Variants in AATF observed in about 807,000 individuals in gnomAD.
The protein encoded by AATF is protein AATF.
AATF carries 48 observed loss-of-function variants against 63.7 expected under a neutral mutation model. The ratio of observed to expected loss-of-function variants is 0.75; its 90% confidence interval spans 0.60 to 0.96. The LOEUF (loss-of-function observed/expected upper bound fraction) is 0.96. Among genes scored for constraint, AATF ranks in the 40% least tolerant of loss-of-function variants. The pLI, the probability that AATF is intolerant of heterozygous loss-of-function variation, is 0.00. For missense variants in AATF, 639 were observed against 685.7 expected, an observed-to-expected ratio of 0.93 and a Z score of 0.76; for synonymous variants, 258 against 247.7, an observed-to-expected ratio of 1.04 and a Z score of -0.39.
At chr17:37,001,424 G>A (rs71380127) in intron 8 of AATF, among the ~76,000 whole-genome samples, 5 of 110,858 alleles carry the variant, frequency 4.5e-5, no homozygotes, top group Non-Finnish European at 8.8e-5. Flanking sequence ...AGGAAGGAAG[G>A]AAGGAAGGAA....
intron 8 of AATF, among the ~76,000 whole-genome samples, chr17:37,009,229 T>G (rs960221925): frequency 2.0e-5 from 3 of 152,004 alleles, no homozygotes; most frequent in Non-Finnish European, 2.9e-5. Flanking sequence ...CCTCCTGGGT[T>G]CAAGTGATTC....
chr17:36,962,768 A>G (rs945177234), intron 4 of AATF, among the ~76,000 whole-genome samples: 1 of 152,122 alleles, frequency 6.6e-6, no homozygotes, highest in Non-Finnish European at 1.5e-5. Context: ...TGCACAATGG[A>G]ACCTCTTTAT....
chr17:36,953,299 T>G lies in AATF; in HGVS notation c.694+3T>G. ...AAGAGCCGTGAAGAACCAGATAGGT[T>G]TGTACATGGTTTTGCTGATTGCCTG... On this transcript the variant is annotated splice_donor_region_variant and intron_variant, in intron 3 of 11. Coordinates refer to ENST00000619387, the MANE Select transcript of AATF (RefSeq NM_012138.4). The G allele has an allele frequency of 6.2e-7, 1 of 1,604,484 alleles. No homozygotes were observed. The highest frequency in any genetic ancestry group is 8.5e-7 in the Non-Finnish European group (1 of 1,173,680).
chr17:37,031,166 T>C (rs546078808), intron 10 of AATF, among the ~76,000 whole-genome samples: 1 of 151,332 alleles, frequency 6.6e-6, no homozygotes, highest in Admixed American at 6.5e-5. Context: ...ATTGAAAATA[T>C]TCAGGCATGG....
chr17:37,010,998 A>G (rs1042572850), intron 8 of AATF, among the ~76,000 whole-genome samples: 4 of 152,252 alleles, frequency 2.6e-5, no homozygotes, highest in Admixed American at 2.6e-4. Context: ...GAGGGACAAG[A>G]GTAAATGAGA....
At chr17:36,962,818 G>A (rs2070958723) in intron 4 of AATF, among the ~76,000 whole-genome samples, 1 of 152,030 alleles carries the variant, frequency 6.6e-6, no homozygotes, top group African/African-American at 2.4e-5. Flanking sequence ...ATATGTGCCT[G>A]GCCAAAAGAA....
chr17:36,997,446 A>G (rs1176732048), intron 8 of AATF, among the ~76,000 whole-genome samples: 2 of 152,244 alleles, frequency 1.3e-5, no homozygotes, highest in Admixed American at 6.5e-5. Flanking sequence ...CAAAGAAGAT[A>G]TACAAATGGC....
At chr17:37,035,795 T>C (rs1296907705) in intron 11 of AATF, among the ~76,000 whole-genome samples, 1 of 152,210 alleles carries the variant, frequency 6.6e-6, no homozygotes, top group African/African-American at 2.4e-5. Flanking sequence ...AATCTACTTG[T>C]AGGAGATAGT....
intron 8 of AATF, among the ~76,000 whole-genome samples, chr17:36,993,382 T>C (rs1475599455): frequency 6.6e-6 from 1 of 152,188 alleles, no homozygotes; most frequent in Non-Finnish European, 1.5e-5. Context: ...GTAATTGTGG[T>C]GATGCCAGGC....
chr17:37,020,347 C>T (rs1031500040), intron 9 of AATF, among the ~76,000 whole-genome samples: 37 of 151,474 alleles, frequency 2.4e-4, no homozygotes, highest in African/African-American at 8.2e-4. Context: ...GGAGAAGAGT[C>T]CTTATCGCTT....
chr17:37,009,489 A>T (rs2071368706), intron 8 of AATF, among the ~76,000 whole-genome samples: 1 of 151,244 alleles, frequency 6.6e-6, no homozygotes, highest in Non-Finnish European at 1.5e-5. Context: ...TACTCTTGGA[A>T]TGGGGAGGGG....
chr17:36,964,041 CAAA>C (rs200680895), intron 4 of AATF, among the ~76,000 whole-genome samples: 1 of 150,038 alleles, frequency 6.7e-6, no homozygotes, highest in Non-Finnish European at 1.5e-5. Context: ...AAAAAAGAAA[CAAA>C]AAAAGAGAAT....
chr17:37,032,143 A>G (rs991205770), intron 11 of AATF, among the ~76,000 whole-genome samples: 2 of 152,214 alleles, frequency 1.3e-5, no homozygotes, highest in Non-Finnish European at 2.9e-5. Context: ...AAATACAGAA[A>G]AAAAGTGTAT....
intron 11 of AATF, among the ~76,000 whole-genome samples, chr17:37,040,400 C>T (rs547868243): frequency 6.6e-6 from 1 of 152,086 alleles, no homozygotes; most frequent in South Asian, 2.1e-4. Flanking sequence ...TCATATTTCA[C>T]TTACTGAGAG....
At chr17:36,957,451 C>CT (rs1480976315) in intron 4 of AATF, among the ~76,000 whole-genome samples, 1 of 152,124 alleles carries the variant, frequency 6.6e-6, no homozygotes, top group Non-Finnish European at 1.5e-5. Context: ...GTGTTTTTTA[C>CT]TTTTTTATTA....
intron 4 of AATF, among the ~76,000 whole-genome samples, chr17:36,956,955 G>T (rs767381156): frequency 1.1e-4 from 17 of 151,678 alleles, no homozygotes; most frequent in Non-Finnish European, 1.9e-4. Context: ...TAGCCTGAGC[G>T]ACAAGAGCGA....
At chr17:37,038,936 G>A (rs2071614577) in intron 11 of AATF, among the ~76,000 whole-genome samples, 1 of 152,154 alleles carries the variant, frequency 6.6e-6, no homozygotes, top group Admixed American at 6.6e-5. Flanking sequence ...TCACTGCCAC[G>A]TTGTTCTTGA....
intron 8 of AATF, among the ~76,000 whole-genome samples, chr17:37,008,778 G>A (rs1004911596): frequency 1.3e-5 from 2 of 152,174 alleles, no homozygotes; most frequent in African/African-American, 4.8e-5. Flanking sequence ...AGCTCTGGAG[G>A]TCAGGGGCAC....
At chr17:37,038,666 A>G (rs2071612083) in intron 11 of AATF, among the ~76,000 whole-genome samples, 1 of 152,118 alleles carries the variant, frequency 6.6e-6, no homozygotes. Flanking sequence ...TTTTGTAGGT[A>G]CTCCATTCCT....
Sources: allele counts gnomAD v4.1 joint callset (sites outside exome capture counted in the v4.1 genomes callset), GRCh38; gene constraint gnomAD v4.1.1; transcripts MANE v1.5; gene names NCBI Gene and HGNC (gene_info 2026-07-23, HGNC 2026-07-21).